The following NCMAP variants were observed in gnomAD, a reference collection of about 807,000 sequenced individuals.
NCMAP encodes noncompact myelin-associated protein.
A neutral mutation model predicts 7.8 loss-of-function variants in NCMAP; 8 were observed. That is an observed-to-expected ratio of 1.02 (90% CI 0.60 to 1.84). NCMAP has a LOEUF of 1.84. NCMAP is among the 40% of genes most tolerant of loss of function. The pLI is 0.00. For missense variants in NCMAP, 112 were observed against 131.4 expected (o/e 0.85, Z 0.72); for synonymous variants, 41 against 52.9 (o/e 0.78, Z 0.98).
chr1:24,605,626 A>G lies in NCMAP; in HGVS notation c.188A>G (p.Glu63Gly). The G allele has an allele frequency of 6.2e-7, 1 of 1,614,220 alleles. No individual in the cohort carries two copies. The highest frequency in any genetic ancestry group is 8.5e-7 in the Non-Finnish European group (1 of 1,180,034). ...MYNRKMRTRR[E>G]LEPKGPKPTA... is the part of the protein sequence containing the mutation. ...TACAGGAAAATGAGGACGAGGCGGG[A>G]ACTAGAGCCCAAGGGCCCCAAGCCA... is the stretch of plus-strand genomic sequence containing the variant. The change falls in exon 4 of 4, where the codon GAA becomes GGA. Residue 63 changes from glutamate to glycine, a missense_variant. Transcript: ENST00000374392.
intron 1 of NCMAP, among the ~76,000 whole-genome samples, chr1:24,566,368 G>A: frequency 6.6e-6 from 1 of 152,162 alleles, no homozygotes; most frequent in South Asian, 2.1e-4. Flanking sequence ...TCTTGATGTG[G>A]GCAGTGGCCG....
intron 1 of NCMAP, among the ~76,000 whole-genome samples, chr1:24,564,822 G>A (rs942640630): frequency 1.3e-5 from 2 of 151,974 alleles, no homozygotes; most frequent in African/African-American, 4.8e-5. Context: ...GAACTGGGTT[G>A]GCATTATTCT....
intron 2 of NCMAP, 73 bp from the exon 3 acceptor site, chr1:24,600,867 G>A (rs939609591): frequency 7.8e-7 from 1 of 1,281,468 alleles, no homozygotes; most frequent in African/African-American, 1.5e-5. Context: ...GATGTCAGGT[G>A]CCACAGCAGG....
Position 24,599,833 on chromosome 1 carries a change from CCCCCCCT to C in NCMAP, c.83-1106_83-1100del, listed in dbSNP as rs1652412447. 1.0e-4 allele frequency among the ~76,000 whole-genome samples: 9 copies of C among 89,286 alleles called. No homozygotes were observed. The East Asian group carries it at 1.0e-3, about 10-fold the overall frequency. 58.6% of individuals were successfully genotyped at this position (89,286 alleles called of 152,430 possible). ...CCTCGTGATCCGCCCCCCCCCCCCCCCCCCCCTTGGCCTCCCAAAGTGCTGGGATTAC... is the reference window on the plus strand; with the variant it reads ...CCTCGTGATCCGCCCCCCCCCCCCCCTGGCCTCCCAAAGTGCTGGGATTAC... On this transcript the variant is annotated intron_variant, in intron 2 of 3. Coordinates refer to ENST00000374392, the MANE Select transcript of NCMAP (RefSeq NM_001010980.5).
intron 1 of NCMAP, among the ~76,000 whole-genome samples, chr1:24,583,926 C>T (rs1015171024): frequency 6.6e-6 from 1 of 152,118 alleles, no homozygotes; most frequent in Admixed American, 6.5e-5. Flanking sequence ...CTCTCTGAGC[C>T]TCCGTTTCCT....
At chr1:24,564,649 A>C (rs75602518) in intron 1 of NCMAP, among the ~76,000 whole-genome samples, 1 of 152,212 alleles carries the variant, frequency 6.6e-6, no homozygotes, top group Non-Finnish European at 1.5e-5. Context: ...TAAATGTTCC[A>C]AAAATGTTTT....
chr1:24,570,455 A>C (rs1462321367), intron 1 of NCMAP, among the ~76,000 whole-genome samples: 1 of 150,748 alleles, frequency 6.6e-6, no homozygotes, highest in Non-Finnish European at 1.5e-5. Flanking sequence ...TGATTGTGCC[A>C]CTGCACTCCA....
At chr1:24,586,078 A>T (rs1283751305) in intron 1 of NCMAP, among the ~76,000 whole-genome samples, 1 of 152,194 alleles carries the variant, frequency 6.6e-6, no homozygotes, top group African/African-American at 2.4e-5. Flanking sequence ...CAATTATGGT[A>T]TCTCATTTAT....
At chr1:24,582,429 G>A (rs893302400) in intron 1 of NCMAP, among the ~76,000 whole-genome samples, 4 of 152,208 alleles carry the variant, frequency 2.6e-5, no homozygotes, top group African/African-American at 9.7e-5. Flanking sequence ...TTGAGGTGGG[G>A]AGATTATCCT....
chr1:24,599,736 C>A (rs996469631), intron 2 of NCMAP, among the ~76,000 whole-genome samples: 13 of 150,602 alleles, frequency 8.6e-5, no homozygotes, highest in Admixed American at 6.0e-4. Context: ...TGCCATCACG[C>A]CCGGCTAATT....
chr1:24,577,401 G>GTTTTTTTTTGTTTTTTTTTTT (rs1651605073), intron 1 of NCMAP, among the ~76,000 whole-genome samples: 3 of 39,954 alleles, frequency 7.5e-5, no homozygotes, highest in African/African-American at 3.2e-4. Flanking sequence ...CACTGGCCTT[G>GTTTTTTTTTGTTTTTTTTTTT]TTTTTTTTTT....
intron 1 of NCMAP, among the ~76,000 whole-genome samples, chr1:24,573,743 G>C (rs1281647981): frequency 6.7e-6 from 1 of 150,294 alleles, no homozygotes; most frequent in East Asian, 1.9e-4. Context: ...TTCGAGACCA[G>C]CCTGGGCAAC....
chr1:24,584,551 A>G (rs906323379), intron 1 of NCMAP, among the ~76,000 whole-genome samples: 2 of 152,076 alleles, frequency 1.3e-5, no homozygotes, highest in African/African-American at 4.8e-5. Flanking sequence ...ACTTCCCCTG[A>G]AGTCTGTGTG....
chr1:24,578,035 G>A (rs1004742361), intron 1 of NCMAP, among the ~76,000 whole-genome samples: 11 of 152,040 alleles, frequency 7.2e-5, no homozygotes, highest in African/African-American at 2.4e-4. Context: ...GGCTGAGGCG[G>A]GTGGATCACT....
intron 1 of NCMAP, among the ~76,000 whole-genome samples, chr1:24,568,560 A>G (rs1929302): frequency 0.33 from 50,396 of 152,030 alleles, 8,643 homozygotes; most frequent in Admixed American, 0.44. Flanking sequence ...ACACTGCCAG[A>G]GACTTTATAT....
At position 24,576,407 on chromosome 1, in the gene NCMAP, G is replaced by A. The variant is rs974762681; in HGVS notation, c.-7-19017G>A. On this transcript the variant is annotated intron_variant, in intron 1 of 3. Transcript: ENST00000374392. The surrounding 1 kb of genome is among the most constrained non-coding windows in gnomAD (Gnocchi z 4.0). ...AGCTCACACCGTGGGCAGCTTGAAC[G>A]GCTGGGATTGTTTCCCCAACTCCTG... is the stretch of plus-strand genomic sequence containing the variant. Among the ~76,000 whole-genome samples, 2 of 152,194 alleles carry A rather than the reference G, an allele frequency of 1.3e-5. No homozygotes were observed. Among genetic ancestry groups the A allele is most frequent in the South Asian group, 2.1e-4 (1 of 4,826 alleles).
At chr1:24,594,394 C>T (rs1557601401) in intron 1 of NCMAP, among the ~76,000 whole-genome samples, 1 of 152,168 alleles carries the variant, frequency 6.6e-6, no homozygotes, top group African/African-American at 2.4e-5. Context: ...TGAGTCCAAG[C>T]TCCACCTCCT....
chr1:24,574,446 G>A (rs572852751), intron 1 of NCMAP, among the ~76,000 whole-genome samples: 17 of 152,238 alleles, frequency 1.1e-4, no homozygotes, highest in Non-Finnish European at 1.8e-4. Context: ...TATCATCAGT[G>A]TCCCTGGTGC....
In NCMAP at chr1:24,604,622, A is replaced by ATGTGTGTGTGTGTGTGTGTG. The variant is rs1652650862; in HGVS notation, c.168-983_168-982insGTGTGTGTGTGTGTGTGTGT. Among the ~76,000 whole-genome samples, 6 of 54,444 alleles carry ATGTGTGTGTGTGTGTGTGTG rather than the reference A, an allele frequency of 1.1e-4. 1 individual carries two copies. Among genetic ancestry groups the ATGTGTGTGTGTGTGTGTGTG allele is most frequent in the African/African-American group, 8.7e-4 (6 of 6,936 alleles). 35.7% of individuals were successfully genotyped at this position (54,444 alleles called of 152,430 possible). A position where few individuals can be genotyped will look rare whatever the true frequency, so the allele number is the denominator to read the frequency against. On this transcript the variant is annotated intron_variant, in intron 3 of 3. Transcript: ENST00000374392. ...AAAAAAAAAATATATATATATATAT[A>ATGTGTGTGTGTGTGTGTGTG]TATATATATATATATATATATATAT...
Sources: allele counts gnomAD v4.1 joint callset (sites outside exome capture counted in the v4.1 genomes callset), GRCh38; gene constraint gnomAD v4.1.1; non-coding constraint Gnocchi (gnomAD v3.1); transcripts MANE v1.5; gene names NCBI Gene and HGNC (gene_info 2026-07-23, HGNC 2026-07-21).